HMGB1: variants seen among roughly 807,000 people sequenced by gnomAD.
HMGB1 encodes the protein high mobility group protein B1.
For synonymous variants in HMGB1, 81 were observed against 84.0 expected (o/e 0.96, Z 0.19); for missense variants, 79 against 253.5 (o/e 0.31, Z 4.67).
intron 1 of HMGB1, among the ~76,000 whole-genome samples, chr13:30,576,313 C>G (rs1488164018): frequency 1.3e-5 from 2 of 152,096 alleles, no homozygotes; most frequent in Admixed American, 6.5e-5. Flanking sequence ...AATCCCAAGG[C>G]TTTGCAGGGC....
intron 1 of HMGB1, among the ~76,000 whole-genome samples, chr13:30,519,637 T>C (rs73454338): frequency 0.25 from 38,468 of 151,020 alleles, 5,185 homozygotes; most frequent in East Asian, 0.49. Context: ...GAGACGGAGC[T>C]TGCAGTGAGC....
chr13:30,595,220 TCAAA>T (rs1049858668), intron 1 of HMGB1, among the ~76,000 whole-genome samples: 7 of 152,216 alleles, frequency 4.6e-5, no homozygotes, highest in African/African-American at 1.7e-4. Flanking sequence ...TTTACATATT[TCAAA>T]CAATCTAAAT....
rs556196094 is a variant in HMGB1 at position 30,590,852 on chromosome 13, A to C, written c.-15+25819T>G. 5.2e-3 allele frequency among the ~76,000 whole-genome samples: 788 copies of C among 152,312 alleles called. 5 individuals carry two copies. The highest frequency in any genetic ancestry group is 0.017 in the African/African-American group (724 of 41,570). ...TTGGAAGCAGAGAGTGAGCACTCCC[A>C]AGACACTGAATCTGCCACATCTTGA... On this transcript the variant is annotated intron_variant, in intron 1 of 4. Coordinates refer to the HMGB1 transcript ENST00000405805.
intron 1 of HMGB1, among the ~76,000 whole-genome samples, chr13:30,528,642 G>A (rs889873456): frequency 1.3e-5 from 2 of 152,186 alleles, no homozygotes; most frequent in African/African-American, 4.8e-5. Context: ...GACATCCATA[G>A]AGAACAGCTG....
At chr13:30,580,028 AT>A (rs1456396474) in intron 1 of HMGB1, among the ~76,000 whole-genome samples, 1 of 152,232 alleles carries the variant, frequency 6.6e-6, no homozygotes, top group African/African-American at 2.4e-5. Context: ...GACGAAAGAA[AT>A]AGGACACCAG....
intron 1 of HMGB1, chr13:30,543,424 G>C: frequency 6.4e-6 from 1 of 155,768 alleles, no homozygotes; most frequent in Non-Finnish European, 1.4e-5. Flanking sequence ...CACTGCACCC[G>C]GCCTGTTCCA....
chr13:30,488,932 A>G (rs9315012), intron 1 of HMGB1, among the ~76,000 whole-genome samples: 140,796 of 152,004 alleles, frequency 0.93, 66,194 homozygotes, highest in East Asian at 1. Context: ...AATAATAATG[A>G]CCTAAAAGGA....
intron 1 of HMGB1, among the ~76,000 whole-genome samples, chr13:30,607,491 A>ACCATGTAAGATGTGCCT (rs1209235524): frequency 6.6e-6 from 1 of 152,222 alleles, no homozygotes; most frequent in African/African-American, 2.4e-5. Flanking sequence ...GCCTTCTGCC[A>ACCATGTAAGATGTGCCT]TGATTTTAAG....
At chr13:30,508,525 A>G (rs1887921541) in intron 1 of HMGB1, among the ~76,000 whole-genome samples, 1 of 150,792 alleles carries the variant, frequency 6.6e-6, no homozygotes, top group Non-Finnish European at 1.5e-5. Context: ...AAAAAAGAAA[A>G]GAAAAGAAAA....
upstream of HMGB1, among the ~76,000 whole-genome samples, chr13:30,470,896 G>A (rs565943875): frequency 2.6e-5 from 4 of 152,080 alleles, no homozygotes; most frequent in East Asian, 3.9e-4. Flanking sequence ...TGATCCACCC[G>A]CCTCAGCCTT....
intron 1 of HMGB1, among the ~76,000 whole-genome samples, chr13:30,492,135 T>C (rs1887510451): frequency 6.6e-6 from 1 of 150,750 alleles, no homozygotes; most frequent in Non-Finnish European, 1.5e-5. Context: ...ACCACTGCAC[T>C]CCAGCCTGGG....
At chr13:30,604,280 G>A (rs985991884) in intron 1 of HMGB1, among the ~76,000 whole-genome samples, 4 of 152,194 alleles carry the variant, frequency 2.6e-5, no homozygotes, top group African/African-American at 9.6e-5. Flanking sequence ...TCTGATTCAT[G>A]TTTTGATCTG....
At chr13:30,477,452 G>A (rs958260695) in intron 1 of HMGB1, among the ~76,000 whole-genome samples, 2 of 152,134 alleles carry the variant, frequency 1.3e-5, no homozygotes, top group African/African-American at 4.8e-5. Flanking sequence ...GGACAGAAAG[G>A]AGCAGCCAGG....
chr13:30,483,150 T>C (rs568520759), intron 1 of HMGB1, among the ~76,000 whole-genome samples: 4 of 152,108 alleles, frequency 2.6e-5, no homozygotes, highest in African/African-American at 7.2e-5. Context: ...TCAGAGAATA[T>C]AGCCAAGGGG....
At chr13:30,486,610 C>T (rs926758093) in intron 1 of HMGB1, among the ~76,000 whole-genome samples, 1 of 152,158 alleles carries the variant, frequency 6.6e-6, no homozygotes, top group Non-Finnish European at 1.5e-5. Context: ...AGCAGGGGAA[C>T]CTGTTGGACA....
chr13:30,603,738 G>GTA (rs1458065014), intron 1 of HMGB1, among the ~76,000 whole-genome samples: 1 of 152,152 alleles, frequency 6.6e-6, no homozygotes, highest in Admixed American at 6.5e-5. Context: ...ACATAAAATG[G>GTA]TATAGTATTT....
intron 1 of HMGB1, among the ~76,000 whole-genome samples, chr13:30,512,734 A>G (rs1359014925): frequency 2.6e-5 from 4 of 152,216 alleles, no homozygotes; most frequent in African/African-American, 7.2e-5. Context: ...CACATGTCTG[A>G]GCCTGAGGAA....
intron 1 of HMGB1, among the ~76,000 whole-genome samples, chr13:30,473,112 G>A (rs2026751): frequency 0.48 from 72,190 of 151,860 alleles, 17,284 homozygotes; most frequent in Admixed American, 0.51. Context: ...GACCAGAGGC[G>A]AAAGAGAGGG....
chr13:30,599,836 T>A (rs1385927540), intron 1 of HMGB1, among the ~76,000 whole-genome samples: 3 of 152,174 alleles, frequency 2.0e-5, no homozygotes, highest in Admixed American at 6.5e-5. Context: ...GGCTTCAACC[T>A]ATGAATTGGG....
Sources: gnomAD v4.1 joint callset for allele counts (sites outside exome capture counted in the v4.1 genomes callset) on GRCh38, gnomAD v4.1.1 for gene constraint, MANE v1.5 for transcripts, NCBI Gene and HGNC (gene_info 2026-07-23, HGNC 2026-07-21) for gene names.